The following MUCL1 variants were observed in gnomAD, a reference collection of about 807,000 sequenced individuals.
The protein encoded by MUCL1 is mucin-like protein 1.
A neutral mutation model predicts 9.2 loss-of-function variants in MUCL1; 11 were observed. The ratio of observed to expected loss-of-function variants is 1.19; its 90% CI spans 0.75 to 1.97. The LOEUF is 1.97. Ranked by LOEUF, MUCL1 falls within the 30% of genes most tolerant of loss-of-function variation. The pLI, the probability that MUCL1 is intolerant of heterozygous loss-of-function variation, is 0.00. For missense variants in MUCL1, 144 were observed against 110.9 expected, an observed-to-expected ratio of 1.30 and a Z score of -1.34; for synonymous variants, 48 against 40.5, an observed-to-expected ratio of 1.19 and a Z score of -0.71.
chr12:54,856,993 T>A, intron 3 of MUCL1, 101 bp downstream of exon 3: 1 of 1,512,548 alleles, frequency 6.6e-7, no homozygotes, highest in Non-Finnish European at 9.0e-7. Context: ...CAGGGAGACC[T>A]CTTCTTTACA....
chr12:54,853,967 T>G (rs1354145127), upstream of MUCL1, among the ~76,000 whole-genome samples: 3 of 152,236 alleles, frequency 2.0e-5, no homozygotes, highest in Admixed American at 2.0e-4. Flanking sequence ...AAGGTCATAG[T>G]TCGTTCTTTA....
upstream of MUCL1, among the ~76,000 whole-genome samples, chr12:54,852,862 C>A (rs562573315): frequency 9.9e-4 from 150 of 151,846 alleles, no homozygotes; most frequent in African/African-American, 3.5e-3. Context: ...TTAAATATTT[C>A]TCTTTCACTT....
At chr12:54,843,984 T>C (rs780389086) in intron 1 of MUCL1, among the ~76,000 whole-genome samples, 12 of 152,200 alleles carry the variant, frequency 7.9e-5, no homozygotes, top group Non-Finnish European at 1.5e-4. Context: ...TTAGGTAATG[T>C]CTTAACCTTT....
intron 1 of MUCL1, among the ~76,000 whole-genome samples, chr12:54,847,191 A>T (rs1285852908): frequency 6.6e-6 from 1 of 152,080 alleles, no homozygotes; most frequent in Non-Finnish European, 1.5e-5. Context: ...GTTAACTCTC[A>T]TGTATCAAGA....
chr12:54,853,091 T>C (rs1393628932), upstream of MUCL1, among the ~76,000 whole-genome samples: 1 of 152,154 alleles, frequency 6.6e-6, no homozygotes, highest in Non-Finnish European at 1.5e-5. Context: ...GACTGGTTGC[T>C]GTTATCAGAC....
chr12:54,843,770 A>T (rs914403074), intron 1 of MUCL1, among the ~76,000 whole-genome samples: 1 of 152,234 alleles, frequency 6.6e-6, no homozygotes, highest in Non-Finnish European at 1.5e-5. Context: ...TAGAGACTTC[A>T]GAAAGAATGC....
intron 1 of MUCL1, among the ~76,000 whole-genome samples, chr12:54,842,043 CTAAT>C (rs1485545537): frequency 6.6e-6 from 1 of 152,052 alleles, no homozygotes; most frequent in Admixed American, 6.5e-5. Context: ...AAAGAATCAA[CTAAT>C]TAGTTTCCAA....
intron 1 of MUCL1, among the ~76,000 whole-genome samples, chr12:54,846,165 C>T (rs1030287407): frequency 9.9e-5 from 15 of 152,116 alleles, no homozygotes; most frequent in Non-Finnish European, 1.6e-4. Flanking sequence ...TTGCCATAGG[C>T]GGAGGGTCCA....
At chr12:54,843,875 G>A (rs1177487762) in intron 1 of MUCL1, among the ~76,000 whole-genome samples, 1 of 152,158 alleles carries the variant, frequency 6.6e-6, no homozygotes, top group African/African-American at 2.4e-5. Flanking sequence ...AAGGCACTAA[G>A]TTGGTGGTAA....
At chr12:54,832,038 G>A (rs370991226) in intron 1 of MUCL1, among the ~76,000 whole-genome samples, 67 of 152,170 alleles carry the variant, frequency 4.4e-4, no homozygotes, top group African/African-American at 1.6e-3. Context: ...TGAAGGATGT[G>A]TTTTTGTTAA....
intron 3 of MUCL1, 92 bp downstream of exon 3, chr12:54,856,984 AG>A (rs1868305934): frequency 6.5e-7 from 1 of 1,546,990 alleles, no homozygotes; most frequent in South Asian, 1.2e-5. Context: ...TTTTGAGGTC[AG>A]GGAGACCTCT....
chr12:54,856,028 A>G (rs960099646), intron 2 of MUCL1, among the ~76,000 whole-genome samples: 1 of 152,230 alleles, frequency 6.6e-6, no homozygotes. Context: ...ATCCTTATCA[A>G]TAGCTCTTGT....
At chr12:54,849,768 A>C (rs1002384119), upstream of MUCL1, among the ~76,000 whole-genome samples, 2 of 152,148 alleles carry the variant, frequency 1.3e-5, no homozygotes, top group Non-Finnish European at 2.9e-5. Flanking sequence ...TATTTTATAT[A>C]CTCACATATG....
intron 1 of MUCL1, among the ~76,000 whole-genome samples, chr12:54,845,695 G>T (rs557586862): frequency 3.3e-5 from 5 of 152,144 alleles, no homozygotes; most frequent in East Asian, 1.9e-4. Context: ...CTCATGATTT[G>T]GTTACATTTT....
intron 1 of MUCL1, 93 bp from the exon 2 acceptor site, chr12:54,855,023 G>A: frequency 9.2e-7 from 1 of 1,082,426 alleles, no homozygotes; most frequent in South Asian, 1.3e-5. Flanking sequence ...GTCTTCCATT[G>A]TAAAGTCTGG....
Position 54,855,159 on chromosome 12 carries a change from T to G in MUCL1, c.100+2T>G, listed in dbSNP as rs745328843. The G allele has an allele frequency of 5.0e-6, 8 of 1,612,970 alleles. No homozygotes were observed. The highest frequency in any genetic ancestry group is 6.8e-6 in the Non-Finnish European group (8 of 1,179,352). The stretch of plus-strand genomic sequence containing the variant: ...CTCCAGCTGACACGTATCCAGCTAG[T>G]GAGTCTGCACTTGAATGTCATCTCT... On this transcript the variant is annotated splice_donor_variant, in intron 2 of 3. Transcript: ENST00000308796. LOFTEE classifies it high-confidence loss of function.
At chr12:54,833,663 C>T (rs983406860) in intron 1 of MUCL1, among the ~76,000 whole-genome samples, 12 of 151,948 alleles carry the variant, frequency 7.9e-5, no homozygotes, top group Non-Finnish European at 1.5e-5. Flanking sequence ...GAGTTCATGT[C>T]CTTTATAGGG....
intron 1 of MUCL1, among the ~76,000 whole-genome samples, chr12:54,834,084 T>A (rs962296101): frequency 6.6e-6 from 1 of 152,178 alleles, no homozygotes; most frequent in Non-Finnish European, 1.5e-5. Flanking sequence ...TTCATTGTAG[T>A]TTAATTCATT....
At chr12:54,850,891 T>A, upstream of MUCL1, among the ~76,000 whole-genome samples, 1 of 152,244 alleles carries the variant, frequency 6.6e-6, no homozygotes, top group East Asian at 1.9e-4. Flanking sequence ...GGTTTTGATT[T>A]GCATTTCTCT....
Sources: allele counts gnomAD v4.1 joint callset (sites outside exome capture counted in the v4.1 genomes callset), GRCh38; gene constraint gnomAD v4.1.1; transcripts MANE v1.5; gene names NCBI Gene and HGNC (gene_info 2026-07-23, HGNC 2026-07-21).